TSC22D1: variants seen among roughly 807,000 people sequenced by gnomAD.
TSC22D1 encodes TSC22 domain family member 1, also known as TSC22 domain family protein 1.
In TSC22D1, 9 loss-of-function variants were observed where a neutral mutation model predicts 74.2. That is an observed-to-expected ratio of 0.12 (90% CI 0.07 to 0.21). The LOEUF is 0.21. Ranked by LOEUF, TSC22D1 falls within the 10% of genes least tolerant of loss-of-function variation. The probability of loss-of-function intolerance (pLI) is 1.00; values close to 1 mark genes in which losing one functional copy is unlikely to be tolerated. For missense variants in TSC22D1, 1,427 were observed against 1,304.7 expected (o/e 1.09, Z -1.44); for synonymous variants, 586 against 492.5 (o/e 1.19, Z -2.51).
At chr13:44,451,076 C>T (rs181623254) in intron 1 of TSC22D1, among the ~76,000 whole-genome samples, 29 of 152,126 alleles carry the variant, frequency 1.9e-4, no homozygotes, top group African/African-American at 6.8e-4. Context: ...GTGGAGGGAG[C>T]GGGGAAATGA....
At chr13:44,573,034 T>A (rs1211126722) in intron 1 of TSC22D1, 129 bp downstream of exon 1, 2 of 1,370,370 alleles carry the variant, frequency 1.5e-6, no homozygotes, top group Admixed American at 2.9e-5. Flanking sequence ...AAACTTCCCA[T>A]AAAAATGCAT....
rs1595071630 is a variant in TSC22D1, at chr13:44,434,311, C to T, written c.*315G>A. On this transcript the variant is annotated 3_prime_UTR_variant, in exon 3 of 3. Coordinates refer to ENST00000458659, the MANE Select transcript of TSC22D1 (RefSeq NM_183422.4). ...CCCTTGGAAGTGAGGGGTAGGGAGC[C>T]GGAAGGGATGGAAAGGCACACAGCT... The T allele has an allele frequency of 5.1e-6, 7 of 1,369,250 alleles. No homozygotes were observed. In the East Asian group the frequency reaches 8.9e-5, roughly 17 times the overall value. 84.8% of individuals were successfully genotyped at this position (1,369,250 alleles called of 1,614,324 possible).
chr13:44,447,839 T>C (rs1595083957), intron 1 of TSC22D1, among the ~76,000 whole-genome samples: 1 of 149,248 alleles, frequency 6.7e-6, no homozygotes, highest in African/African-American at 2.4e-5. Context: ...TTTTCTTTTT[T>C]TTTTTTTTTT....
chr13:44,511,619 TAC>T (rs66743224), intron 1 of TSC22D1, among the ~76,000 whole-genome samples: 29,829 of 148,002 alleles, frequency 0.2, 2,991 homozygotes, highest in East Asian at 0.3. Flanking sequence ...TAAAAAGAAA[TAC>T]ACACACACAC....
In TSC22D1 at chr13:44,573,876, A is replaced by G. The variant is rs770927671; in HGVS notation, c.2199T>C (p.Gly733=). ...CTGCAGTAGGTATGTTTGCTTGCTG[A>G]CCAATATTTGCAATCTGACTGCCAG... ...VPTGSQIANI[G]QQANIPTAVQ... Residue 733 remains glycine (G), a synonymous_variant, in exon 1 of 3, where the codon GGT becomes GGC. Transcript: ENST00000458659. 1 of 1,614,064 alleles carries G rather than the reference A, an allele frequency of 6.2e-7. No individual in the cohort carries two copies. The highest frequency in any genetic ancestry group is 8.5e-7 in the Non-Finnish European group (1 of 1,180,032).
At chr13:44,544,049 T>C (rs1475013769) in intron 1 of TSC22D1, among the ~76,000 whole-genome samples, 1 of 152,156 alleles carries the variant, frequency 6.6e-6, no homozygotes, top group Non-Finnish European at 1.5e-5. Context: ...GCTGAGACTG[T>C]GCCATTGCAC....
chr13:44,533,298 T>C (rs991631640), intron 1 of TSC22D1, among the ~76,000 whole-genome samples: 3 of 146,214 alleles, frequency 2.1e-5, no homozygotes, highest in African/African-American at 7.6e-5. Context: ...TCATCTCTAC[T>C]AGAAGTACAA....
intron 1 of TSC22D1, among the ~76,000 whole-genome samples, chr13:44,555,971 C>T (rs541236782): frequency 2.6e-5 from 4 of 151,848 alleles, no homozygotes; most frequent in East Asian, 1.9e-4. Context: ...TCGACTTGCA[C>T]GGGATGTGAA....
At position 44,435,903 on chromosome 13, in the gene TSC22D1, G is replaced by C. The variant is rs998525407; in HGVS notation, c.2964+141C>G. The stretch of plus-strand genomic sequence containing the variant: ...CGTGGTAGGTGGCTCCACGCTGGCC[G>C]AATGGAGACAGCGCCGGCATTTCTA... On this transcript the variant is annotated intron_variant, in intron 2 of 2. Coordinates refer to ENST00000458659, the MANE Select transcript of TSC22D1 (RefSeq NM_183422.4). 2.3e-5 allele frequency: 21 copies of C among 925,178 alleles called. No individual in the cohort carries two copies. In the African/African-American group the frequency reaches 3.3e-4, roughly 15 times the overall value. The allele number at this position is 925,178 out of a possible 1,614,324, so 57.3% of individuals were successfully genotyped here. A position where few individuals can be genotyped will look rare whatever the true frequency, so the allele number is the denominator to read the frequency against.
intron 1 of TSC22D1, among the ~76,000 whole-genome samples, chr13:44,570,874 C>A (rs1566182275): frequency 6.6e-6 from 1 of 152,114 alleles, no homozygotes; most frequent in Non-Finnish European, 1.5e-5. Context: ...TGTAGTTATT[C>A]TTAAATTATC....
chr13:44,451,764 TATC>T (rs1876155634), intron 1 of TSC22D1, among the ~76,000 whole-genome samples: 1 of 152,192 alleles, frequency 6.6e-6, no homozygotes, highest in African/African-American at 2.4e-5. Flanking sequence ...GATGAGGCCA[TATC>T]ATGTCAGGGG....
chr13:44,436,857 A>C (rs1350926753), intron 1 of TSC22D1: 1 of 1,272,016 alleles, frequency 7.9e-7, no homozygotes, highest in Non-Finnish European at 9.9e-7. Flanking sequence ...TCAGCTCTAG[A>C]CCAGGACTCC....
chr13:44,443,259 T>C (rs753937439), intron 1 of TSC22D1, among the ~76,000 whole-genome samples: 1 of 151,698 alleles, frequency 6.6e-6, no homozygotes, highest in Non-Finnish European at 1.5e-5. Flanking sequence ...CGACTTCTGG[T>C]TGGAAACAAT....
chr13:44,453,177 T>C (rs934385346), intron 1 of TSC22D1, among the ~76,000 whole-genome samples: 4 of 152,256 alleles, frequency 2.6e-5, no homozygotes, highest in African/African-American at 9.6e-5. Context: ...ACCTTCTCCT[T>C]TGAATATGTT....
intron 1 of TSC22D1, among the ~76,000 whole-genome samples, chr13:44,565,283 A>C (rs1171589647): frequency 2.0e-5 from 3 of 151,968 alleles, no homozygotes; most frequent in African/African-American, 7.2e-5. Context: ...GAAACCTGAA[A>C]GACAGACTGA....
chr13:44,537,634 T>C (rs1881231927), intron 1 of TSC22D1: 1 of 984,608 alleles, frequency 1.0e-6, no homozygotes, highest in African/African-American at 1.7e-5. Context: ...AAACCAATTG[T>C]CTTATTAACA....
In TSC22D1 at chr13:44,575,509, A is replaced by G; in HGVS notation, c.566T>C (p.Val189Ala). 1 of 1,614,028 alleles carries G rather than the reference A, an allele frequency of 6.2e-7. No individual in the cohort carries two copies. The highest frequency in any genetic ancestry group is 2.2e-5 in the East Asian group (1 of 44,868). Residue 189 changes from valine to alanine, a missense_variant, in exon 1 of 3, where the codon GTC (valine) becomes GCC (alanine). This residue lies in a region of TSC22D1 where 1,343 missense variants were observed against 1,191.5 expected (regional missense o/e 1.13). Coordinates refer to ENST00000458659, the MANE Select transcript of TSC22D1 (RefSeq NM_183422.4). ...NFQEAETPGA[V>A]SPNQPHLPQP... is the part of the protein sequence containing the mutation. The stretch of plus-strand genomic sequence containing the variant: ...AGGAAGGTGGGGCTGGTTGGGAGAG[A>G]CTGCCCCAGGTGTCTCGGCTTCCTG...
At chr13:44,449,060 A>G (rs1875915960) in intron 1 of TSC22D1, among the ~76,000 whole-genome samples, 1 of 152,242 alleles carries the variant, frequency 6.6e-6, no homozygotes, top group African/African-American at 2.4e-5. Context: ...CCACAGCCAG[A>G]GACCCATGCT....
chr13:44,576,339 G>A (rs1327438093), upstream of TSC22D1: 2 of 474,424 alleles, frequency 4.2e-6, no homozygotes, highest in Non-Finnish European at 7.4e-6. Flanking sequence ...TTCCCCTCTA[G>A]CCTCACACCC....
Sources: allele counts gnomAD v4.1 joint callset (sites outside exome capture counted in the v4.1 genomes callset), GRCh38; gene constraint gnomAD v4.1.1; regional missense constraint gnomAD v4.1.1; transcripts MANE v1.5; gene names NCBI Gene and HGNC (gene_info 2026-07-23, HGNC 2026-07-21).